LIN52: variants seen among roughly 807,000 people sequenced by gnomAD.
LIN52 encodes protein lin-52 homolog.
LIN52 carries 4 observed loss-of-function variants against 18.5 expected under a neutral mutation model. The ratio of observed to expected loss-of-function variants is 0.22; its 90% CI spans 0.11 to 0.49. The LOEUF is 0.49. Ranked by LOEUF, LIN52 falls within the 20% of genes least tolerant of loss-of-function variation. LIN52 has a pLI of 0.97. For missense variants in LIN52, 102 were observed against 139.5 expected, an observed-to-expected ratio of 0.73 and a Z score of 1.35; for synonymous variants, 34 against 45.5, an observed-to-expected ratio of 0.75 and a Z score of 1.02.
intron 5 of LIN52, among the ~76,000 whole-genome samples, chr14:74,118,501 C>A (rs1421961656): frequency 1.3e-5 from 2 of 152,200 alleles, no homozygotes; most frequent in African/African-American, 4.8e-5. Flanking sequence ...GCGCCTGGTG[C>A]TGTGGCTCAT....
Position 74,186,295 on chromosome 14 carries a change from AAAAC to A in LIN52, c.284-12607_284-12604del, listed in dbSNP as rs148118500. 5.9e-3 allele frequency among the ~76,000 whole-genome samples: 896 copies of A among 151,780 alleles called. 8 individuals carry two copies. Among genetic ancestry groups the A allele is most frequent in the African/African-American group, 0.013 (542 of 41,376 alleles). On this transcript the variant is annotated intron_variant, in intron 5 of 5. Transcript: ENST00000555028. ...TGACAGAGTGAGACTCTGTCTCAAAAAAACAAACAAACAAACAAACAAAAAACTG... is the reference window on the plus strand; with the variant it reads ...TGACAGAGTGAGACTCTGTCTCAAAAAAACAAACAAACAAACAAAAAACTG...
At chr14:74,097,096 ATTC>A (rs770940034) in intron 3 of LIN52, among the ~76,000 whole-genome samples, 19 of 152,320 alleles carry the variant, frequency 1.2e-4, no homozygotes, top group Admixed American at 3.9e-4. Flanking sequence ...CTCATTCTTG[ATTC>A]TTCTTTGAAT....
chr14:74,117,038 G>T lies in LIN52; in HGVS notation c.283+15800G>T, dbSNP rs889093291. Among the ~76,000 whole-genome samples the T allele has an allele frequency of 2.6e-5, 4 of 152,060 alleles. 1 individual carries two copies. Among genetic ancestry groups the T allele is most frequent in the Admixed American group, 2.6e-4 (4 of 15,262 alleles). On this transcript the variant is annotated intron_variant, in intron 5 of 5. Coordinates refer to ENST00000555028, the MANE Select transcript of LIN52 (RefSeq NM_001024674.3). ...TGTATGCCATTTTAGAAACAAAATT[G>T]TACTTAAATCTCTGAATTTTCTAGG... is the stretch of plus-strand genomic sequence containing the variant.
chr14:74,117,654 T>C (rs368276399), intron 5 of LIN52, among the ~76,000 whole-genome samples: 49 of 152,318 alleles, frequency 3.2e-4, no homozygotes, highest in African/African-American at 1.1e-3. Flanking sequence ...TGTTTTTTAG[T>C]TATTGATGTT....
At chr14:74,106,269 G>T (rs550058353) in intron 5 of LIN52, among the ~76,000 whole-genome samples, 3 of 152,042 alleles carry the variant, frequency 2.0e-5, no homozygotes, top group African/African-American at 7.2e-5. Flanking sequence ...TACTGCTGCC[G>T]CATTGTTTTT....
At chr14:74,093,189 C>T (rs1176862268) in intron 2 of LIN52, among the ~76,000 whole-genome samples, 4 of 151,372 alleles carry the variant, frequency 2.6e-5, no homozygotes, top group Non-Finnish European at 4.4e-5. Flanking sequence ...TCAGGTGATC[C>T]GCCCACCTCG....
rs950901348 is a variant in LIN52, at chr14:74,200,855, A to T, written c.*1878A>T. ...CATGTGGCCAAAAAATAGTGCCATAATGTCAAATTCTTCCTTTGCTCTGTT... is the reference window on the plus strand; with the variant it reads ...CATGTGGCCAAAAAATAGTGCCATATTGTCAAATTCTTCCTTTGCTCTGTT... On this transcript the variant is annotated 3_prime_UTR_variant, in exon 6 of 6. Transcript: ENST00000555028. 1.3e-5 allele frequency: 2 copies of T among 152,130 alleles called. No individual in the cohort carries two copies. The highest frequency in any genetic ancestry group is 2.9e-5 in the Non-Finnish European group (2 of 68,030). 9.4% of individuals were successfully genotyped at this position (152,130 alleles called of 1,614,324 possible).
At chr14:74,164,219 G>C (rs1213681590) in intron 5 of LIN52, among the ~76,000 whole-genome samples, 8 of 151,830 alleles carry the variant, frequency 5.3e-5, no homozygotes, top group African/African-American at 1.9e-4. Flanking sequence ...CTGACCTCGT[G>C]ATCCGCCTGC....
intron 5 of LIN52, among the ~76,000 whole-genome samples, chr14:74,179,600 G>A (rs2061308497): frequency 1.4e-5 from 2 of 146,106 alleles, no homozygotes; most frequent in Non-Finnish European, 3.0e-5. Flanking sequence ...AGGTTGCAGT[G>A]AACCAAGATC....
intron 5 of LIN52, 75 bp from the exon 6 acceptor site, chr14:74,198,847 T>A (rs1024357362): frequency 7.1e-6 from 8 of 1,121,624 alleles, no homozygotes; most frequent in Admixed American, 1.8e-5. Flanking sequence ...TCTGCATTTT[T>A]AAATTAAATC....
intron 5 of LIN52, among the ~76,000 whole-genome samples, chr14:74,116,248 G>A (rs556743811): frequency 6.6e-6 from 1 of 152,056 alleles, no homozygotes; most frequent in Non-Finnish European, 1.5e-5. Context: ...GGTTGTAGTG[G>A]GCCAAGATTA....
intron 5 of LIN52, among the ~76,000 whole-genome samples, chr14:74,125,637 C>T (rs2061025257): frequency 6.6e-6 from 1 of 151,738 alleles, no homozygotes; most frequent in Non-Finnish European, 1.5e-5. Flanking sequence ...TGGAACCAAC[C>T]CAAATGTCCA....
intron 5 of LIN52, among the ~76,000 whole-genome samples, chr14:74,126,538 A>G (rs1316328208): frequency 6.6e-6 from 1 of 152,250 alleles, no homozygotes; most frequent in Non-Finnish European, 1.5e-5. Context: ...CATACAGTGG[A>G]ATATTATTCA....
chr14:74,187,476 G>A (rs1439648158), intron 5 of LIN52, among the ~76,000 whole-genome samples: 1 of 152,042 alleles, frequency 6.6e-6, no homozygotes, highest in East Asian at 1.9e-4. Context: ...TTATTTTGGG[G>A]ATATTTGTTG....
chr14:74,150,130 C>T (rs1473791168), intron 5 of LIN52, among the ~76,000 whole-genome samples: 1 of 152,068 alleles, frequency 6.6e-6, no homozygotes, highest in East Asian at 1.9e-4. Flanking sequence ...ATACCTCTAC[C>T]CTATGCCTCA....
intron 5 of LIN52, among the ~76,000 whole-genome samples, chr14:74,132,549 G>A (rs1364299991): frequency 6.6e-6 from 1 of 151,868 alleles, no homozygotes; most frequent in Non-Finnish European, 1.5e-5. Context: ...TTACTCTGTC[G>A]CCAGGCTGGA....
intron 5 of LIN52, among the ~76,000 whole-genome samples, chr14:74,120,158 A>ATGATTTGT (rs1020377193): frequency 2.6e-5 from 4 of 152,106 alleles, no homozygotes; most frequent in Admixed American, 2.6e-4. Flanking sequence ...CTTTAAAAAA[A>ATGATTTGT]TGATTTGTAA....
Position 74,185,810 on chromosome 14 carries a change from A to T in LIN52, c.284-13112A>T, listed in dbSNP as rs141186874. Among the ~76,000 whole-genome samples, 732 of 152,122 alleles carry T rather than the reference A, an allele frequency of 4.8e-3. 2 individuals carry two copies. The highest frequency in any genetic ancestry group is 0.017 in the African/African-American group (707 of 41,472). ...GGTCTCACTCTATTGCTCAGGCTGGAGTGTAGTGACACGATCATCCCTCTC... is the reference window on the plus strand; with the variant it reads ...GGTCTCACTCTATTGCTCAGGCTGGTGTGTAGTGACACGATCATCCCTCTC... On this transcript the variant is annotated intron_variant, in intron 5 of 5. Transcript: ENST00000555028.
chr14:74,158,937 T>C (rs1039153345), intron 5 of LIN52, among the ~76,000 whole-genome samples: 1 of 152,192 alleles, frequency 6.6e-6, no homozygotes, highest in East Asian at 1.9e-4. Context: ...GTTACATTGA[T>C]GTTATATCCA....
Sources: gnomAD v4.1 joint callset for allele counts (sites outside exome capture counted in the v4.1 genomes callset) on GRCh38, gnomAD v4.1.1 for gene constraint, MANE v1.5 for transcripts, NCBI Gene and HGNC (gene_info 2026-07-23, HGNC 2026-07-21) for gene names.